The following ATP23 variants were observed in gnomAD, a reference collection of about 807,000 sequenced individuals.
The protein encoded by ATP23 is mitochondrial inner membrane protease ATP23 homolog.
A neutral mutation model predicts 28.5 loss-of-function variants in ATP23; 24 were observed. The ratio of observed to expected loss-of-function variants is 0.84; its 90% CI spans 0.61 to 1.18. ATP23 has a LOEUF of 1.18. Among genes scored for constraint, ATP23 ranks in the 50% most tolerant of loss-of-function variants. The pLI is 0.00. For synonymous variants in ATP23, 99 were observed against 108.6 expected, an observed-to-expected ratio of 0.91 and a Z score of 0.55; for missense variants, 274 against 306.4, an observed-to-expected ratio of 0.89 and a Z score of 0.79.
intron 3 of ATP23, among the ~76,000 whole-genome samples, chr12:57,947,401 G>C (rs1422566396): frequency 6.6e-6 from 1 of 152,172 alleles, no homozygotes; most frequent in Non-Finnish European, 1.5e-5. Context: ...AGCCTCCTTA[G>C]GGGCAGAGCA....
At chr12:57,951,454 G>C (rs1209953974) in intron 3 of ATP23, among the ~76,000 whole-genome samples, 2 of 152,184 alleles carry the variant, frequency 1.3e-5, no homozygotes, top group Admixed American at 6.5e-5. Context: ...TGGAGTCCGA[G>C]ACAGACTAGT....
At chr12:57,954,399 T>C (rs1956846246) in intron 5 of ATP23, among the ~76,000 whole-genome samples, 1 of 152,166 alleles carries the variant, frequency 6.6e-6, no homozygotes, top group Admixed American at 6.5e-5. Context: ...GCACAAGTTA[T>C]GGCTATGTGT....
chr12:57,955,280 G>GTTTTTTTTTT (rs71087605), intron 5 of ATP23, among the ~76,000 whole-genome samples: 9 of 142,152 alleles, frequency 6.3e-5, no homozygotes, highest in African/African-American at 1.8e-4. Flanking sequence ...AATAGAGCAT[G>GTTTTTTTTTT]TTTTTTTTTT....
At chr12:57,949,282 T>C (rs977370741) in intron 3 of ATP23, among the ~76,000 whole-genome samples, 1 of 152,198 alleles carries the variant, frequency 6.6e-6, no homozygotes, top group Admixed American at 6.5e-5. Flanking sequence ...GTTGCTCCTT[T>C]GCTAGCTTAC....
intron 1 of ATP23, among the ~76,000 whole-genome samples, 171 bp from the exon 2 acceptor site, chr12:57,945,457 C>G (rs1322428997): frequency 1.3e-5 from 2 of 152,048 alleles, no homozygotes; most frequent in East Asian, 3.9e-4. Flanking sequence ...GGCTTGAACT[C>G]CTGGCCTCAA....
At chr12:57,943,442 A>G (rs1371201450) in intron 1 of ATP23, among the ~76,000 whole-genome samples, 2 of 151,808 alleles carry the variant, frequency 1.3e-5, no homozygotes, top group Non-Finnish European at 2.9e-5. Flanking sequence ...CACTTTGGGG[A>G]GCCAAGGCAG....
chr12:57,951,999 T>C, intron 4 of ATP23, 104 bp downstream of exon 4: 1 of 1,434,466 alleles, frequency 7.0e-7, no homozygotes, highest in South Asian at 1.3e-5. Context: ...TAGTTCTACC[T>C]TAGTCTTGAA....
chr12:57,949,994 C>A (rs1956799423), intron 3 of ATP23, among the ~76,000 whole-genome samples: 1 of 152,146 alleles, frequency 6.6e-6, no homozygotes, highest in Non-Finnish European at 1.5e-5. Flanking sequence ...CGTATTCTAT[C>A]AACATATTTT....
rs1956877781 is a variant in ATP23, at chr12:57,957,250, T to G, written c.*360T>G. ...GACCACTGTTGGTATTTACATTAAATGTAAAGAAATGTGTACTGATCTCAT... is the reference window on the plus strand; with the variant it reads ...GACCACTGTTGGTATTTACATTAAAGGTAAAGAAATGTGTACTGATCTCAT... On this transcript the variant is annotated 3_prime_UTR_variant, in exon 6 of 6. Transcript: ENST00000300145. 2 of 178,178 alleles carry G rather than the reference T, an allele frequency of 1.1e-5. No homozygotes were observed. The highest frequency in any genetic ancestry group is 4.8e-5 in the African/African-American group (2 of 41,988). 11.0% of individuals were successfully genotyped at this position (178,178 alleles called of 1,614,324 possible).
At position 57,951,897 on chromosome 12, in the gene ATP23, T is replaced by G. The variant is rs1956820010; in HGVS notation, c.453+2T>G. 6 of 1,613,770 alleles carry G rather than the reference T, an allele frequency of 3.7e-6. No individual in the cohort carries two copies. Among genetic ancestry groups the G allele is most frequent in the Non-Finnish European group, 5.1e-6 (6 of 1,179,772 alleles). On this transcript the variant is annotated splice_donor_variant, in intron 4 of 5. Transcript: ENST00000300145. LOFTEE classifies it high-confidence loss of function. Reference sequence around the variant, plus strand: ...ATCAGACATTTGGCGTGCTCAGAGGTGAGTTTTATTGTATTTTTCTCCAGA... The same window carrying G: ...ATCAGACATTTGGCGTGCTCAGAGGGGAGTTTTATTGTATTTTTCTCCAGA...
Position 57,957,638 on chromosome 12 carries a change from T to G in ATP23, c.*748T>G, listed in dbSNP as rs1804457088. ...CCCCCCACTGGAGAAACTGAAGGTC[T>G]GTTTGTGGGAGAAGTTTCCGACCTT... On this transcript the variant is annotated 3_prime_UTR_variant, in exon 6 of 6. Coordinates refer to ENST00000300145, the MANE Select transcript of ATP23 (RefSeq NM_033276.4). Among the ~76,000 whole-genome samples the G allele has an allele frequency of 6.6e-6, 1 of 152,108 alleles. No homozygotes were observed. The highest frequency in any genetic ancestry group is 2.1e-4 in the South Asian group (1 of 4,830).
intron 1 of ATP23, 127 bp downstream of exon 1, chr12:57,942,015 T>C (rs1004352513): frequency 3.4e-6 from 4 of 1,165,886 alleles, no homozygotes; most frequent in Admixed American, 3.4e-5. Context: ...AGACTGGGCA[T>C]CATGGGGGCT....
At position 57,951,827 on chromosome 12, in the gene ATP23, C is replaced by G; in HGVS notation, c.385C>G (p.His129Asp). 6.2e-7 allele frequency: 1 copy of G among 1,614,150 alleles called. No individual in the cohort carries two copies. Among genetic ancestry groups the G allele is most frequent in the Non-Finnish European group, 8.5e-7 (1 of 1,180,018 alleles). The change falls in exon 4 of 6, where the codon CAT becomes GAT. Residue 129 changes from histidine to aspartate, a missense_variant. Coordinates refer to ENST00000300145, the MANE Select transcript of ATP23 (RefSeq NM_033276.4). ...CAGAGTGGTCACACACGAGCTTATTCATGCATTTGATCATTGTCGTGCCCA... is the reference window on the plus strand; with the variant it reads ...CAGAGTGGTCACACACGAGCTTATTGATGCATTTGATCATTGTCGTGCCCA... ...MNRVVTHELI[H>D]AFDHCRAHVD...
In ATP23 at chr12:57,956,943, A is replaced by G; in HGVS notation, c.*53A>G. 1 of 1,500,508 alleles carries G rather than the reference A, an allele frequency of 6.7e-7. No homozygotes were observed. 92.9% of individuals were successfully genotyped at this position (1,500,508 alleles called of 1,614,324 possible). ...CTTCCATCATCATGAAGAAAAAAAA[A>G]TTTGGTTCTCAAGTGAACAAACATA... On this transcript the variant is annotated 3_prime_UTR_variant, in exon 6 of 6. Transcript: ENST00000300145.
chr12:57,953,521 T>C lies in ATP23; in HGVS notation c.454-85T>C, dbSNP rs1956834438. Reference sequence around the variant, plus strand: ...ACAAAGATGCTAATTTTATATTCTTTTCTAATTTTTAAAAATTGGTTGATA... The same window carrying C: ...ACAAAGATGCTAATTTTATATTCTTCTCTAATTTTTAAAAATTGGTTGATA... On this transcript the variant is annotated intron_variant, in intron 4 of 5. Transcript: ENST00000300145. The C allele has an allele frequency of 3.8e-5, 42 of 1,118,004 alleles. 1 individual carries two copies. In the South Asian group the frequency reaches 6.2e-4, roughly 16 times the overall value. The allele number at this position is 1,118,004 out of a possible 1,614,324, so 69.3% of individuals were successfully genotyped here.
At chr12:57,948,894 A>G (rs7136981) in intron 3 of ATP23, among the ~76,000 whole-genome samples, 67,867 of 152,018 alleles carry the variant, frequency 0.45, 16,087 homozygotes, top group East Asian at 0.76. Flanking sequence ...TATACTTTGA[A>G]TTTTATGTAG....
chr12:57,941,750 C>G lies in ATP23; in HGVS notation c.49C>G (p.Gln17Glu). 6.3e-7 allele frequency: 1 copy of G among 1,596,466 alleles called. No individual in the cohort carries two copies. The highest frequency in any genetic ancestry group is 8.5e-7 in the Non-Finnish European group (1 of 1,172,542). ...ERRRGPAAGE[Q>E]LQQQHVSCQV... ...CCGGCGGGGCCCCGCGGCAGGGGAGCAGCTGCAGCAGCAACACGTCTCTTG... is the reference window on the plus strand; with the variant it reads ...CCGGCGGGGCCCCGCGGCAGGGGAGGAGCTGCAGCAGCAACACGTCTCTTG... Residue 17 changes from glutamine to glutamate, a missense_variant, in exon 1 of 6, where the codon CAG becomes GAG. Physicochemically the swap from Gln to Glu is conservative, Grantham distance 29. Coordinates refer to ENST00000300145, the MANE Select transcript of ATP23 (RefSeq NM_033276.4).
intron 3 of ATP23, among the ~76,000 whole-genome samples, chr12:57,950,063 T>C (rs1330812786): frequency 6.6e-6 from 1 of 152,368 alleles, no homozygotes; most frequent in South Asian, 2.1e-4. Flanking sequence ...GCTGAAGTGC[T>C]GTTCTCTCTT....
chr12:57,945,444 C>T (rs1052365181), intron 1 of ATP23, among the ~76,000 whole-genome samples, 184 bp from the exon 2 acceptor site: 12 of 151,922 alleles, frequency 7.9e-5, no homozygotes, highest in African/African-American at 2.9e-4. Flanking sequence ...GTTGGTCAGG[C>T]TGGGCTTGAA....
Sources: allele counts gnomAD v4.1 joint callset (sites outside exome capture counted in the v4.1 genomes callset), GRCh38; gene constraint gnomAD v4.1.1; transcripts MANE v1.5; gene names NCBI Gene and HGNC (gene_info 2026-07-23, HGNC 2026-07-21).